The following LY9 variants were observed in gnomAD, a reference collection of about 807,000 sequenced individuals.
LY9 encodes T-lymphocyte surface antigen Ly-9.
Under a neutral mutation model 64.6 loss-of-function variants are expected in LY9, and 59 were observed. That is an observed-to-expected ratio of 0.91 (90% CI 0.74 to 1.13). The LOEUF (loss-of-function observed/expected upper bound fraction) is 1.13, where lower values mean the gene tolerates loss of function less well. LY9 is among the 50% of genes most tolerant of loss of function. The probability of loss-of-function intolerance (pLI) is 0.00; values close to 1 mark genes in which losing one functional copy is unlikely to be tolerated. For synonymous variants in LY9, 281 were observed against 308.5 expected (o/e 0.91, Z 0.93); for missense variants, 789 against 797.2 (o/e 0.99, Z 0.12).
At position 160,814,608 on chromosome 1, in the gene LY9, G is replaced by C. The variant is rs139473900; in HGVS notation, c.919G>C (p.Asp307His). ...GGCAGATCCACTCATTAAATCCAGG[G>C]ATCCTTACAAGAACAGGGTGTGGGT... ...ATADPLIKSRDPYKNRVWVSS... is the reference protein window; with the variant it reads ...ATADPLIKSRHPYKNRVWVSS... Residue 307 changes from aspartate to histidine, a missense_variant, in exon 4 of 10, where the codon GAT (aspartate) becomes CAT (histidine). Physicochemically the swap from Asp to His is moderately conservative, Grantham distance 81. Coordinates refer to ENST00000263285, the MANE Select transcript of LY9 (RefSeq NM_002348.4). The C allele has an allele frequency of 3.7e-6, 6 of 1,614,044 alleles. No individual in the cohort carries two copies. Among genetic ancestry groups the C allele is most frequent in the Non-Finnish European group, 5.1e-6 (6 of 1,180,042 alleles).
Position 160,823,694 on chromosome 1 carries a change from C to T in LY9, c.1728C>T (p.Ala576=). The change falls in exon 8 of 10, where the codon GCC becomes GCT. Residue 576 remains alanine, a synonymous_variant. Transcript: ENST00000263285. ...VTQEGAGHDP[A]PEGQADYDPV... is the part of the protein sequence containing the mutation. ...AGGAGGGCGCTGGACATGACCCAGC[C>T]CCTGAGGGCCAAGCAGACTATGATC... 1 of 1,614,044 alleles carries T rather than the reference C, an allele frequency of 6.2e-7. No individual in the cohort carries two copies. The highest frequency in any genetic ancestry group is 1.3e-5 in the African/African-American group (1 of 75,030).
chr1:160,796,291 C>T lies in LY9; in HGVS notation c.104C>T (p.Ser35Phe), dbSNP rs772088274. The T allele has an allele frequency of 1.2e-5, 19 of 1,613,280 alleles. No individual in the cohort carries two copies. Among genetic ancestry groups the T allele is most frequent in the Non-Finnish European group, 1.4e-5 (17 of 1,179,948 alleles). Reference sequence around the variant, plus strand: ...ATATTCTCTTCTGTTCTACAGACCTCTCTCCTCTTCCTGCTCATGGGTAAG... The same window carrying T: ...ATATTCTCTTCTGTTCTACAGACCTTTCTCCTCTTCCTGCTCATGGGTAAG... ...LQIFSSVLQTSLLFLLMGLRA... is the reference protein window; with the variant it reads ...LQIFSSVLQTFLLFLLMGLRA... The change falls in exon 1 of 10, where the codon TCT becomes TTT. Residue 35 changes from serine (S) to phenylalanine (F), a missense_variant. Physicochemically the swap from Ser to Phe is radical, Grantham distance 155. Transcript: ENST00000263285.
At chr1:160,799,686 A>G (rs146405392) in intron 1 of LY9, 67 bp from the exon 2 acceptor site, 1 of 943,822 alleles carries the variant, frequency 1.1e-6, no homozygotes, top group East Asian at 2.4e-5. Context: ...ATATTCACAG[A>G]GTGAAAGAAA....
At chr1:160,826,475 A>G (rs1272864033) in intron 9 of LY9, among the ~76,000 whole-genome samples, 1 of 152,240 alleles carries the variant, frequency 6.6e-6, no homozygotes, top group Non-Finnish European at 1.5e-5. Flanking sequence ...TTTATATTCT[A>G]CTGCTCAAGA....
intron 9 of LY9, among the ~76,000 whole-genome samples, chr1:160,825,989 A>G (rs1006103238): frequency 6.6e-5 from 10 of 152,160 alleles, no homozygotes; most frequent in African/African-American, 2.4e-4. Context: ...ACTCCATGCA[A>G]TCAAAAATCA....
chr1:160,800,294 T>C (rs1570968335), intron 2 of LY9: 1 of 543,546 alleles, frequency 1.8e-6, no homozygotes, highest in East Asian at 3.1e-5. Flanking sequence ...TCTATCTTAC[T>C]GTATGTTTGT....
At chr1:160,820,475 T>A (rs1668329819) in intron 7 of LY9, among the ~76,000 whole-genome samples, 1 of 152,108 alleles carries the variant, frequency 6.6e-6, no homozygotes, top group African/African-American at 2.4e-5. Flanking sequence ...GGATTCCCCA[T>A]GGAGATGGAA....
chr1:160,814,141 T>C (rs534093741), intron 3 of LY9, among the ~76,000 whole-genome samples: 10 of 152,302 alleles, frequency 6.6e-5, no homozygotes, highest in African/African-American at 2.4e-4. Context: ...GAAGACAATA[T>C]GGATACAGGA....
At position 160,801,885 on chromosome 1, in the gene LY9, G is replaced by C. The variant is rs749818774; in HGVS notation, c.454+1803G>C. 4.1e-5 allele frequency: 66 copies of C among 1,613,912 alleles called. No individual in the cohort carries two copies. The Admixed American group carries it at 1.1e-3, about 27-fold the overall frequency. On this transcript the variant is annotated intron_variant, in intron 2 of 9. Coordinates refer to ENST00000263285, the MANE Select transcript of LY9 (RefSeq NM_002348.4). ...CCTGGAGTCCATCATCAGCACCCTG[G>C]CTGAGCCACGTGTGAGCGTGCGGGA...
intron 2 of LY9, among the ~76,000 whole-genome samples, chr1:160,808,992 T>C (rs1014342748): frequency 2.0e-5 from 3 of 152,172 alleles, no homozygotes; most frequent in Non-Finnish European, 2.9e-5. Context: ...CCATAATTCA[T>C]GTAACGGGTC....
At chr1:160,798,431 G>A (rs1666107480) in intron 1 of LY9, among the ~76,000 whole-genome samples, 1 of 152,178 alleles carries the variant, frequency 6.6e-6, no homozygotes, top group Non-Finnish European at 1.5e-5. Context: ...AGAATTAAAT[G>A]AGATAATTTA....
At chr1:160,813,937 A>G (rs1667729529) in intron 3 of LY9, 26 bp downstream of exon 3, 1 of 1,599,900 alleles carries the variant, frequency 6.3e-7, no homozygotes. Flanking sequence ...TTGGCCCTTG[A>G]GGGAATTCCA....
In LY9 at chr1:160,823,491, T is replaced by C. The variant is rs906927031; in HGVS notation, c.1525T>C (p.Ser509Pro). Residue 509 changes from serine (S) to proline (P), a missense_variant, in exon 8 of 10, where the codon TCT becomes CCT. Transcript: ENST00000263285. ...ACCCACAGCTGGCCACACGCTATAC[T>C]CTGTGCTCTCCCAAGGATATGAGAA... Reference protein sequence around the residue: ...PEPTAGHTLYSVLSQGYEKLD... With the variant: ...PEPTAGHTLYPVLSQGYEKLD... 8.1e-6 allele frequency: 13 copies of C among 1,613,560 alleles called. No homozygotes were observed. Among genetic ancestry groups the C allele is most frequent in the Admixed American group, 3.3e-5 (2 of 59,998 alleles).
At chr1:160,797,375 A>G in intron 1 of LY9, 1 of 738,418 alleles carries the variant, frequency 1.4e-6, no homozygotes, top group Non-Finnish European at 1.7e-6. Context: ...CGAGGAGCCT[A>G]GACCTCAGAG....
intron 7 of LY9, among the ~76,000 whole-genome samples, chr1:160,821,732 T>C (rs897365171): frequency 2.0e-5 from 3 of 152,148 alleles, no homozygotes; most frequent in Non-Finnish European, 1.5e-5. Context: ...CTCTCCTCCT[T>C]ATGAATCCCT....
Position 160,799,921 on chromosome 1 carries a change from T to C in LY9, c.293T>C (p.Ile98Thr), listed in dbSNP as rs1558082345. 6.2e-7 allele frequency: 1 copy of C among 1,614,072 alleles called. No homozygotes were observed. Among genetic ancestry groups the C allele is most frequent in the South Asian group, 1.1e-5 (1 of 91,070 alleles). Residue 98 changes from isoleucine (I) to threonine (T), a missense_variant, in exon 2 of 10, where the codon ATT becomes ACT. By Grantham distance (89) the Ile-to-Thr change is moderately conservative (BLOSUM62 -1). Coordinates refer to ENST00000263285, the MANE Select transcript of LY9 (RefSeq NM_002348.4). ...AFARPKENVT[I>T]MVKSYLGRLD... is the part of the protein sequence containing the mutation. Reference sequence around the variant, plus strand: ...GCACGTCCCAAAGAAAATGTAACCATTATGGTCAAAAGCTACCTGGGCCGA... The same window carrying C: ...GCACGTCCCAAAGAAAATGTAACCACTATGGTCAAAAGCTACCTGGGCCGA...
Position 160,819,384 on chromosome 1 carries a change from C to A in LY9, c.1498+10C>A. On this transcript the variant is annotated intron_variant, in intron 7 of 9. Transcript: ENST00000263285. ...CCAGCGGATACACCAGGTAACATCA[C>A]CCATGACACAGGCTATGGGGTATCT... is the stretch of plus-strand genomic sequence containing the variant. 6.2e-7 allele frequency: 1 copy of A among 1,610,812 alleles called. No individual in the cohort carries two copies. Among genetic ancestry groups the A allele is most frequent in the Non-Finnish European group, 8.5e-7 (1 of 1,177,112 alleles).
intron 7 of LY9, among the ~76,000 whole-genome samples, chr1:160,822,862 C>T (rs1052218915): frequency 1.3e-5 from 2 of 152,162 alleles, no homozygotes; most frequent in Admixed American, 6.5e-5. Flanking sequence ...ATCATCCTTT[C>T]GGAAAAAGAG....
Position 160,814,560 on chromosome 1 carries a change from A to G in LY9, c.871A>G (p.Lys291Glu), listed in dbSNP as rs773585928. 3 of 1,614,038 alleles carry G rather than the reference A, an allele frequency of 1.9e-6. No homozygotes were observed. The highest frequency in any genetic ancestry group is 2.5e-6 in the Non-Finnish European group (3 of 1,180,024). The change falls in exon 4 of 10, where the codon AAA becomes GAA. Residue 291 changes from lysine to glutamate, a missense_variant. Coordinates refer to ENST00000263285, the MANE Select transcript of LY9 (RefSeq NM_002348.4). ...GTTGTTTAACACATCCATCATTAGCAAAGAGAGGGAAGAAGCAGCAACGGC... is the reference window on the plus strand; with the variant it reads ...GTTGTTTAACACATCCATCATTAGCGAAGAGAGGGAAGAAGCAGCAACGGC... ...VWLFNTSIISKEREEAATADP... is the reference protein window; with the variant it reads ...VWLFNTSIISEEREEAATADP...
Sources: gnomAD v4.1 joint callset for allele counts (sites outside exome capture counted in the v4.1 genomes callset) on GRCh38, gnomAD v4.1.1 for gene constraint, MANE v1.5 for transcripts, NCBI Gene and HGNC (gene_info 2026-07-23, HGNC 2026-07-21) for gene names.